MATN2: variants seen among roughly 807,000 people sequenced by gnomAD.
MATN2 encodes matrilin-2.
MATN2 carries 69 observed loss-of-function variants against 103.2 expected under a neutral mutation model. The observed-to-expected ratio is 0.67, with a 90% CI of 0.55 to 0.82. MATN2 has a LOEUF of 0.82. Among genes scored for constraint, MATN2 ranks in the 40% least tolerant of loss-of-function variants. The pLI is 0.00. For synonymous variants in MATN2, 429 were observed against 450.2 expected, an observed-to-expected ratio of 0.95 and a Z score of 0.60; for missense variants, 1,023 against 1,211.5, an observed-to-expected ratio of 0.84 and a Z score of 2.31.
chr8:97,998,065 C>T (rs1812650328), intron 7 of MATN2, among the ~76,000 whole-genome samples: 1 of 151,178 alleles, frequency 6.6e-6, no homozygotes, highest in African/African-American at 2.4e-5. Flanking sequence ...AGTGATTCTC[C>T]CTCCTCAGTC....
intron 2 of MATN2, among the ~76,000 whole-genome samples, chr8:97,893,146 TG>T (rs1818687281): frequency 6.6e-6 from 1 of 152,180 alleles, no homozygotes; most frequent in African/African-American, 2.4e-5. Flanking sequence ...CGGACAGACT[TG>T]ACCTTCCTGG....
At chr8:97,983,275 C>T (rs1304331401) in intron 6 of MATN2, among the ~76,000 whole-genome samples, 1 of 152,080 alleles carries the variant, frequency 6.6e-6, no homozygotes, top group Non-Finnish European at 1.5e-5. Context: ...TTTGTTTATC[C>T]ATCTGTTGAT....
intron 18 of MATN2, among the ~76,000 whole-genome samples, chr8:98,034,766 T>C (rs1190029336): frequency 6.6e-6 from 1 of 152,204 alleles, no homozygotes; most frequent in Non-Finnish European, 1.5e-5. Context: ...CGTATCGCCC[T>C]TTGCTTCTGA....
chr8:98,007,578 G>T lies in MATN2; in HGVS notation c.1550G>T (p.Arg517Leu), dbSNP rs201090956. The T allele has an allele frequency of 6.2e-7, 1 of 1,612,364 alleles. No individual in the cohort carries two copies. Among genetic ancestry groups the T allele is most frequent in the East Asian group, 2.2e-5 (1 of 44,812 alleles). ...CAGTGTCCTGAGGGACACGTGCTCC[G>T]CAGCGATGGGAAGACGTGTGCAAGT... ...ACQCPEGHVL[R>L]SDGKTCAKLD... Residue 517 changes from arginine to leucine, a missense_variant, in exon 10 of 19, where the codon CGC becomes CTC. Transcript: ENST00000254898. This position sits in a 1 kb window ranked among gnomAD's most constrained non-coding sequence, Gnocchi z 4.2.
In MATN2 at chr8:97,923,495, C is replaced by T. The variant is rs568318441; in HGVS notation, c.143-7458C>T. Among the ~76,000 whole-genome samples, 86 of 151,990 alleles carry T rather than the reference C, an allele frequency of 5.7e-4. No homozygotes were observed. The South Asian group carries it at 0.018, about 31-fold the overall frequency. On this transcript the variant is annotated intron_variant, in intron 2 of 18. Coordinates refer to ENST00000254898, the MANE Select transcript of MATN2 (RefSeq NM_002380.5). ...CCTTTAATAGCTTTGAGATTCTTTT[C>T]TCCAATATTCTTGTCTTCCACCAGA... is the stretch of plus-strand genomic sequence containing the variant.
At chr8:97,945,417 G>GTCC (rs1367518668) in intron 4 of MATN2, among the ~76,000 whole-genome samples, 1 of 152,062 alleles carries the variant, frequency 6.6e-6, no homozygotes, top group Non-Finnish European at 1.5e-5. Flanking sequence ...ATCCTGTTAT[G>GTCC]TCCTCACTCT....
intron 2 of MATN2, among the ~76,000 whole-genome samples, chr8:97,918,183 T>C (rs949619517): frequency 2.6e-5 from 4 of 152,268 alleles, no homozygotes; most frequent in African/African-American, 9.6e-5. Flanking sequence ...GGAGTTAGGC[T>C]GTTCTGGTTA....
intron 7 of MATN2, among the ~76,000 whole-genome samples, chr8:97,997,425 C>T (rs924294768): frequency 2.6e-5 from 4 of 152,232 alleles, no homozygotes; most frequent in African/African-American, 9.6e-5. Flanking sequence ...TATCTGTGCA[C>T]TCAGCTGGTA....
intron 14 of MATN2, among the ~76,000 whole-genome samples, 152 bp downstream of exon 14, chr8:98,027,981 C>T (rs567507057): frequency 6.6e-6 from 1 of 152,140 alleles, no homozygotes. Flanking sequence ...TACCCTGCCA[C>T]CTAGAAGCCT....
At chr8:97,871,332 C>G (rs529217101) in intron 1 of MATN2, among the ~76,000 whole-genome samples, 100 of 152,284 alleles carry the variant, frequency 6.6e-4, no homozygotes, top group African/African-American at 2.3e-3. Flanking sequence ...GGGGGAGAGA[C>G]CGGCTTAGGC....
intron 2 of MATN2, among the ~76,000 whole-genome samples, chr8:97,900,553 C>T (rs979685583): frequency 6.6e-6 from 1 of 152,170 alleles, no homozygotes; most frequent in Non-Finnish European, 1.5e-5. Context: ...CTGGGAAGGG[C>T]TGCTTTCCAT....
intron 2 of MATN2, among the ~76,000 whole-genome samples, chr8:97,909,876 C>T (rs1188244243): frequency 3.3e-5 from 5 of 152,016 alleles, no homozygotes; most frequent in African/African-American, 9.7e-5. Context: ...CTCCGCCTCC[C>T]GGGTTCAGGC....
At chr8:97,980,981 G>T (rs1184671249) in intron 6 of MATN2, among the ~76,000 whole-genome samples, 10 of 152,040 alleles carry the variant, frequency 6.6e-5, no homozygotes, top group African/African-American at 2.4e-4. Context: ...TTTGAGACCA[G>T]CCCTGGTAAT....
At position 97,880,571 on chromosome 8, in the gene MATN2, T is replaced by G. The variant is rs141875712; in HGVS notation, c.-26-7504T>G. On this transcript the variant is annotated intron_variant, in intron 1 of 18. Transcript: ENST00000254898. ...CATGTCTCTCAATTAATTGAATTAT[T>G]GTCTTTGTTTCTTGCTGTAATATGC... is the stretch of plus-strand genomic sequence containing the variant. 6.3e-3 allele frequency among the ~76,000 whole-genome samples: 960 copies of G among 152,318 alleles called. 10 individuals carry two copies. Among genetic ancestry groups the G allele is most frequent in the African/African-American group, 0.02 (824 of 41,558 alleles).
intron 15 of MATN2, among the ~76,000 whole-genome samples, chr8:98,031,045 C>G (rs936120569): frequency 6.6e-6 from 1 of 152,018 alleles, no homozygotes; most frequent in Non-Finnish European, 1.5e-5. Flanking sequence ...AGAAACAGTA[C>G]AAAAAGAAGG....
At chr8:97,995,106 A>G (rs1219047056) in intron 7 of MATN2, among the ~76,000 whole-genome samples, 1 of 152,194 alleles carries the variant, frequency 6.6e-6, no homozygotes, top group Non-Finnish European at 1.5e-5. Context: ...GATATTGTGG[A>G]TGTACTGAGT....
intron 2 of MATN2, among the ~76,000 whole-genome samples, chr8:97,896,999 A>G (rs773532878): frequency 2.0e-5 from 3 of 151,900 alleles, no homozygotes; most frequent in Non-Finnish European, 2.9e-5. Flanking sequence ...CAGTGGGATC[A>G]GGCAACACAA....
intron 2 of MATN2, among the ~76,000 whole-genome samples, chr8:97,908,422 C>A (rs1819253965): frequency 2.6e-5 from 4 of 152,118 alleles, no homozygotes; most frequent in Admixed American, 2.6e-4. Context: ...CCAGCCTGGG[C>A]AACATGGTGA....
chr8:98,007,533 T>C lies in MATN2; in HGVS notation c.1505T>C (p.Met502Thr). 1.2e-6 allele frequency: 2 copies of C among 1,613,718 alleles called. No individual in the cohort carries two copies. Among genetic ancestry groups the C allele is most frequent in the Non-Finnish European group, 8.5e-7 (1 of 1,179,610 alleles). The change falls in exon 10 of 19, where the codon ATG becomes ACG. Residue 502 changes from methionine to threonine, a missense_variant. Met to Thr is a moderately conservative substitution (Grantham distance 81). Transcript: ENST00000254898. This position sits in a 1 kb window ranked among gnomAD's most constrained non-coding sequence, Gnocchi z 4.2. ...DHGCEYSCVN[M>T]DRSFACQCPE... ...GGTTGTGAATACTCCTGTGTCAACATGGACAGATCCTTTGCCTGTCAGTGT... is the reference window on the plus strand; with the variant it reads ...GGTTGTGAATACTCCTGTGTCAACACGGACAGATCCTTTGCCTGTCAGTGT...
Sources: allele counts gnomAD v4.1 joint callset (sites outside exome capture counted in the v4.1 genomes callset), GRCh38; gene constraint gnomAD v4.1.1; non-coding constraint Gnocchi (gnomAD v3.1); transcripts MANE v1.5; gene names NCBI Gene and HGNC (gene_info 2026-07-23, HGNC 2026-07-21).